The following ADAM2 variants were observed in gnomAD, a reference collection of about 807,000 sequenced individuals.
ADAM2 encodes the protein ADAM metallopeptidase domain 2.
A neutral mutation model predicts 99.3 loss-of-function variants in ADAM2; 101 were observed. That is an observed-to-expected ratio of 1.02 (90% CI 0.87 to 1.20). ADAM2 has a LOEUF of 1.20. ADAM2 is among the 50% of genes most tolerant of loss of function. ADAM2 has a pLI of 0.00. For synonymous variants in ADAM2, 323 were observed against 287.6 expected, an observed-to-expected ratio of 1.12 and a Z score of -1.25; for missense variants, 948 against 878.7, an observed-to-expected ratio of 1.08 and a Z score of -1.00.
intron 14 of ADAM2, among the ~76,000 whole-genome samples, chr8:39,765,975 C>T (rs892584086): frequency 6.6e-6 from 1 of 152,162 alleles, no homozygotes; most frequent in Non-Finnish European, 1.5e-5. Context: ...ATACTGTTGG[C>T]ATTGTTGCTG....
chr8:39,780,895 A>G (rs1456872920), intron 10 of ADAM2, among the ~76,000 whole-genome samples: 1 of 152,166 alleles, frequency 6.6e-6, no homozygotes, highest in Non-Finnish European at 1.5e-5. Context: ...TGTAGAGAAA[A>G]TGCGATCAAA....
chr8:39,778,139 A>G (rs1438222003), intron 10 of ADAM2, among the ~76,000 whole-genome samples: 1 of 151,264 alleles, frequency 6.6e-6, no homozygotes, highest in African/African-American at 2.4e-5. Context: ...TGATCACACT[A>G]TAACATGAAT....
chr8:39,771,528 A>G (rs1423396737), intron 11 of ADAM2, among the ~76,000 whole-genome samples: 1 of 152,176 alleles, frequency 6.6e-6, no homozygotes, highest in Non-Finnish European at 1.5e-5. Context: ...ACGATGGCCT[A>G]TATTTTGATG....
Position 39,766,955 on chromosome 8 carries a change from T to G in ADAM2, c.1400A>C (p.Glu467Ala). ...ATGCCCAGTCTGAACATAGTGGTTT[T>G]CTGGGCATGATGCAGATGATCCATT... ...YCNGSSASCP[E>A]NHYVQTGHPC... The change falls in exon 14 of 21, where the codon GAA (glutamate) becomes GCA (alanine). Residue 467 changes from glutamate to alanine, a missense_variant. By Grantham distance (107) the Glu-to-Ala change is moderately radical (BLOSUM62 -1). Transcript: ENST00000265708. The G allele has an allele frequency of 6.2e-7, 1 of 1,614,176 alleles. No individual in the cohort carries two copies. The highest frequency in any genetic ancestry group is 8.5e-7 in the Non-Finnish European group (1 of 1,179,998).
At chr8:39,744,440 C>T (rs1055628617) in intron 20 of ADAM2, among the ~76,000 whole-genome samples, 1 of 151,764 alleles carries the variant, frequency 6.6e-6, no homozygotes, top group Non-Finnish European at 1.5e-5. Context: ...TCCCCCCAAC[C>T]CCCCCATCCT....
chr8:39,752,850 C>T (rs1035272516), intron 16 of ADAM2, among the ~76,000 whole-genome samples: 4 of 152,142 alleles, frequency 2.6e-5, no homozygotes, highest in African/African-American at 9.7e-5. Context: ...TGCCTTTGTT[C>T]CTCCTTTGCC....
chr8:39,773,919 G>T (rs971200374), intron 11 of ADAM2, among the ~76,000 whole-genome samples: 1 of 151,736 alleles, frequency 6.6e-6, no homozygotes, highest in Non-Finnish European at 1.5e-5. Context: ...TTAATATACA[G>T]GCAAATATAC....
chr8:39,772,651 A>C (rs1802828804), intron 11 of ADAM2, among the ~76,000 whole-genome samples: 1 of 152,012 alleles, frequency 6.6e-6, no homozygotes, highest in Admixed American at 6.6e-5. Context: ...ACTTAATCCC[A>C]ATATAGATCT....
At position 39,767,022 on chromosome 8, in the gene ADAM2, A is replaced by G; in HGVS notation, c.1333T>C (p.Cys445Arg). The G allele has an allele frequency of 6.2e-7, 1 of 1,614,010 alleles. No individual in the cohort carries two copies. Among genetic ancestry groups the G allele is most frequent in the Non-Finnish European group, 8.5e-7 (1 of 1,179,896 alleles). The stretch of plus-strand genomic sequence containing the variant: ...TCGCATTCTTCAAAGGAAGGCCTAC[A>G]CATTCTTTCTTTTGACATAAACTGA... ...NCLFMSKERM[C>R]RPSFEECDLP... is the part of the protein sequence containing the mutation. The change falls in exon 14 of 21, where the codon TGT becomes CGT. Residue 445 changes from cysteine to arginine, a missense_variant. Physicochemically the swap from Cys to Arg is radical, Grantham distance 180. Transcript: ENST00000265708.
At position 39,812,420 on chromosome 8, in the gene ADAM2, A is replaced by G. The variant is rs543780716; in HGVS notation, c.514-2954T>C. On this transcript the variant is annotated intron_variant, in intron 6 of 20. Coordinates refer to ENST00000265708, the MANE Select transcript of ADAM2 (RefSeq NM_001464.5). ...TGACTTTCTTCACAGAATTGGAAAA[A>G]ACTACTTTAAAGTTCATATGGAACC... Among the ~76,000 whole-genome samples the G allele has an allele frequency of 2.0e-5, 3 of 152,326 alleles. No homozygotes were observed. In the South Asian group the frequency reaches 6.2e-4, roughly 32 times the overall value.
intron 8 of ADAM2, 64 bp from the exon 9 acceptor site, chr8:39,788,315 G>T (rs997736723): frequency 7.8e-6 from 8 of 1,027,242 alleles, no homozygotes. Context: ...AGATATATAT[G>T]TTTGAAAACA....
intron 12 of ADAM2, 42 bp downstream of exon 12, chr8:39,769,350 T>C: frequency 6.8e-7 from 1 of 1,474,712 alleles, no homozygotes; most frequent in South Asian, 1.2e-5. Flanking sequence ...TAAGTAATTT[T>C]TGCTGCAATT....
chr8:39,746,649 C>G lies in ADAM2; in HGVS notation c.2015-18G>C. ...GCGCCTTTCTAGAAGAAAAAAAAAT[C>G]AAAGATTTGAAAGCAAGCACCAGAA... On this transcript the variant is annotated intron_variant, in intron 18 of 20. Transcript: ENST00000265708. The G allele has an allele frequency of 6.5e-7, 1 of 1,545,342 alleles. No homozygotes were observed. Among genetic ancestry groups the G allele is most frequent in the Non-Finnish European group, 8.7e-7 (1 of 1,153,126 alleles).
intron 10 of ADAM2, among the ~76,000 whole-genome samples, chr8:39,784,691 G>A (rs962130219): frequency 6.6e-6 from 1 of 152,074 alleles, no homozygotes; most frequent in Non-Finnish European, 1.5e-5. Context: ...TTCTTAGTGT[G>A]GCATGTGATG....
chr8:39,811,840 T>C (rs1249945229), intron 6 of ADAM2, among the ~76,000 whole-genome samples: 2 of 152,166 alleles, frequency 1.3e-5, no homozygotes, highest in Non-Finnish European at 2.9e-5. Flanking sequence ...GGGCAAAAAC[T>C]GGAAGCATTC....
At chr8:39,785,560 C>T (rs919480335) in intron 10 of ADAM2, among the ~76,000 whole-genome samples, 8 of 152,258 alleles carry the variant, frequency 5.3e-5, no homozygotes, top group African/African-American at 1.2e-4. Flanking sequence ...CTTTGGGAGA[C>T]CAAGGCGGGG....
intron 18 of ADAM2, among the ~76,000 whole-genome samples, 182 bp from the exon 19 acceptor site, chr8:39,746,813 C>T (rs1422118872): frequency 6.6e-6 from 1 of 152,104 alleles, no homozygotes; most frequent in African/African-American, 2.4e-5. Flanking sequence ...TCTTGTAACT[C>T]TTTTTAAAAT....
At chr8:39,788,574 C>T in intron 8 of ADAM2, 95 bp downstream of exon 8, 2 of 819,814 alleles carry the variant, frequency 2.4e-6, no homozygotes, top group South Asian at 2.3e-5. Context: ...TCCCTTATGC[C>T]ACACAACGTG....
intron 7 of ADAM2, among the ~76,000 whole-genome samples, chr8:39,804,538 T>A (rs1392833996): frequency 6.6e-6 from 1 of 152,084 alleles, no homozygotes. Context: ...AAGAGTAATG[T>A]GATAGCAATC....
Sources: allele counts gnomAD v4.1 joint callset (sites outside exome capture counted in the v4.1 genomes callset), GRCh38; gene constraint gnomAD v4.1.1; transcripts MANE v1.5; gene names NCBI Gene and HGNC (gene_info 2026-07-23, HGNC 2026-07-21).